Variants in C6orf62 observed in about 807,000 individuals in gnomAD.
C6orf62 encodes the protein uncharacterized protein C6orf62.
C6orf62 carries 16 observed loss-of-function variants against 26.8 expected under a neutral mutation model. That is an observed-to-expected ratio of 0.60 (90% CI 0.40 to 0.91). C6orf62 has a LOEUF of 0.91. Among genes scored for constraint, C6orf62 ranks in the 40% least tolerant of loss-of-function variants. C6orf62 has a pLI of 0.00. For synonymous variants in C6orf62, 112 were observed against 91.5 expected (o/e 1.22, Z -1.28); for missense variants, 192 against 271.4 (o/e 0.71, Z 2.06).
intron 3 of C6orf62, chr6:24,709,975 A>G (rs1181599826): frequency 1.0e-6 from 1 of 985,194 alleles, no homozygotes; most frequent in Non-Finnish European, 1.2e-6. Flanking sequence ...GTAGCATTTT[A>G]TACCTAGGAG....
rs1241370551 is a variant in C6orf62, at chr6:24,716,289, A to G, written c.165T>C (p.Val55=). The G allele has an allele frequency of 6.2e-7, 1 of 1,614,034 alleles. No individual in the cohort carries two copies. Among genetic ancestry groups the G allele is most frequent in the Admixed American group, 1.7e-5 (1 of 60,004 alleles). The change falls in exon 2 of 5, where the codon GTT becomes GTC. Residue 55 remains valine, a synonymous_variant. Coordinates refer to ENST00000378119, the MANE Select transcript of C6orf62 (RefSeq NM_030939.5). ...CATAATTATTTGTCATGACTGGTAT[A>G]ACCTCAGACACTTCAAAAAGTGCTG... is the stretch of plus-strand genomic sequence containing the variant. ...KKSALFEVSE[V]IPVMTNNYEE...
chr6:24,720,338 G>A (rs1345183257), upstream of C6orf62: 20 of 1,261,758 alleles, frequency 1.6e-5, no homozygotes, highest in Non-Finnish European at 2.0e-5. Flanking sequence ...CATGTCAAGA[G>A]AAAACCACCA....
intron 1 of C6orf62, 34 bp downstream of exon 1, chr6:24,718,506 T>A (rs889432665): frequency 7.1e-6 from 11 of 1,550,428 alleles, no homozygotes; most frequent in Non-Finnish European, 9.7e-6. Flanking sequence ...CAAAAATTAC[T>A]TGTGCTAATT....
chr6:24,706,019 A>G lies in C6orf62; in HGVS notation c.*118T>C. 2.2e-6 allele frequency: 3 copies of G among 1,384,074 alleles called. No individual in the cohort carries two copies. The highest frequency in any genetic ancestry group is 2.9e-6 in the Non-Finnish European group (3 of 1,045,718). The allele number at this position is 1,384,074 out of a possible 1,614,324, so 85.7% of individuals were successfully genotyped here. ...CCAGGATGAACAAGTTTCAAAATGCATAGTGTTCTGTGCATGAGTCCATTT... is the reference window on the plus strand; with the variant it reads ...CCAGGATGAACAAGTTTCAAAATGCGTAGTGTTCTGTGCATGAGTCCATTT... On this transcript the variant is annotated 3_prime_UTR_variant, in exon 5 of 5. Transcript: ENST00000378119.
At chr6:24,717,853 TATC>T (rs1164352571) in intron 1 of C6orf62, among the ~76,000 whole-genome samples, 2 of 152,244 alleles carry the variant, frequency 1.3e-5, no homozygotes, top group African/African-American at 2.4e-5. Context: ...ATACTGCTCT[TATC>T]ATCCCATCCT....
Position 24,709,538 on chromosome 6 carries a change from C to T in C6orf62, c.430-627G>A, listed in dbSNP as rs183009442. 3.1e-6 allele frequency: 3 copies of T among 982,538 alleles called. No homozygotes were observed. In the Admixed American group the frequency reaches 1.8e-4, roughly 60 times the overall value. The allele number at this position is 982,538 out of a possible 1,614,324, so 60.9% of individuals were successfully genotyped here. The stretch of plus-strand genomic sequence containing the variant: ...TAAAATAAGGCTGTAACCCATTTCA[C>T]AGGACAGTTAAGAGGGTTAAATGAA... On this transcript the variant is annotated intron_variant, in intron 3 of 4. Coordinates refer to ENST00000378119, the MANE Select transcript of C6orf62 (RefSeq NM_030939.5).
chr6:24,719,810 A>ACCC, upstream of C6orf62: 12 of 1,276,462 alleles, frequency 9.4e-6, no homozygotes, highest in East Asian at 3.4e-5. Flanking sequence ...CCTGCCTTCC[A>ACCC]CCCCCGCAGG....
chr6:24,708,203 C>A (rs918397609), intron 4 of C6orf62, among the ~76,000 whole-genome samples: 3 of 150,248 alleles, frequency 2.0e-5, no homozygotes, highest in Non-Finnish European at 4.4e-5. Context: ...CACTACTGTT[C>A]ACTAGAATCA....
At chr6:24,720,037 A>G, upstream of C6orf62, 1 of 1,412,788 alleles carries the variant, frequency 7.1e-7, no homozygotes, top group Admixed American at 2.4e-5. Flanking sequence ...CCCCCAAAAA[A>G]TTAAGTTCCC....
chr6:24,709,178 T>A (rs769156964), intron 3 of C6orf62: 1 of 976,388 alleles, frequency 1.0e-6, no homozygotes, highest in Non-Finnish European at 1.2e-6. Context: ...TTAAGAACAA[T>A]CTCTTGAGAT....
chr6:24,711,744 T>C (rs1779125748), intron 3 of C6orf62, among the ~76,000 whole-genome samples: 1 of 152,200 alleles, frequency 6.6e-6, no homozygotes. Context: ...TCATTTTCTT[T>C]GAGAAAGAAC....
Position 24,716,163 on chromosome 6 carries a change from A to G in C6orf62, c.291T>C (p.Tyr97=), listed in dbSNP as rs373692763. The G allele has an allele frequency of 1.4e-4, 223 of 1,613,774 alleles. 3 individuals carry two copies. Among genetic ancestry groups the G allele is most frequent in the Non-Finnish European group, 6.4e-5 (75 of 1,179,866 alleles). ...KDVVQLHAPR[Y]QSMRRDVIGC... is the part of the protein sequence containing the mutation. The stretch of plus-strand genomic sequence containing the variant: ...CAGAACTTACCCTTCTCATAGACTG[A>G]TATCGAGGAGCATGGAGCTGTACCA... The change falls in exon 2 of 5, where the codon TAT becomes TAC. Residue 97 remains tyrosine, a synonymous_variant. Coordinates refer to ENST00000378119, the MANE Select transcript of C6orf62 (RefSeq NM_030939.5).
chr6:24,720,051 T>G, upstream of C6orf62: 1 of 1,189,120 alleles, frequency 8.4e-7, no homozygotes, highest in Middle Eastern at 3.7e-4. Context: ...AGTTCCCGGA[T>G]TAGCTCTCTC....
rs1202456258 is a variant in C6orf62, at chr6:24,709,560, T to C, written c.430-649A>G. On this transcript the variant is annotated intron_variant, in intron 3 of 4. Coordinates refer to ENST00000378119, the MANE Select transcript of C6orf62 (RefSeq NM_030939.5). ...TCACAGGACAGTTAAGAGGGTTAAA[T>C]GAAATGTAAAGCCCACAACTGAAAT... The C allele has an allele frequency of 6.1e-6, 6 of 984,868 alleles. No individual in the cohort carries two copies. The Middle Eastern group carries it at 1.6e-3, about 257-fold the overall frequency. 61.0% of individuals were successfully genotyped at this position (984,868 alleles called of 1,614,324 possible).
At chr6:24,707,535 T>C (rs1779033188) in intron 4 of C6orf62, among the ~76,000 whole-genome samples, 1 of 152,106 alleles carries the variant, frequency 6.6e-6, no homozygotes, top group Non-Finnish European at 1.5e-5. Flanking sequence ...TTTCTTTGAT[T>C]TTTTGTAGAG....
rs760728809 is a variant in C6orf62, at chr6:24,708,834, G to A, written c.507C>T (p.Ile169=). Reference sequence around the variant, plus strand: ...CTGACTGGTTAGGATTGTTGACAACGATTCCAGTCTTGTCCTTGCGGCTCA... The same window carrying A: ...CTGACTGGTTAGGATTGTTGACAACAATTCCAGTCTTGTCCTTGCGGCTCA... ...HVLSRKDKTG[I]VVNNPNQSVF... Residue 169 remains isoleucine, a synonymous_variant, in exon 4 of 5, where the codon ATC becomes ATT. Coordinates refer to ENST00000378119, the MANE Select transcript of C6orf62 (RefSeq NM_030939.5). The A allele has an allele frequency of 8.7e-6, 14 of 1,614,016 alleles. No individual in the cohort carries two copies. Among genetic ancestry groups the A allele is most frequent in the East Asian group, 4.5e-5 (2 of 44,890 alleles).
intron 3 of C6orf62, chr6:24,709,468 T>TA: frequency 3.1e-6 from 3 of 975,654 alleles, no homozygotes; most frequent in Non-Finnish European, 3.6e-6. Flanking sequence ...ACTCACTAGT[T>TA]ACGTGACCGT....
Position 24,718,931 on chromosome 6 carries a change from G to A in C6orf62, c.-263C>T, listed in dbSNP as rs981805066. 4 of 1,247,060 alleles carry A rather than the reference G, an allele frequency of 3.2e-6. No individual in the cohort carries two copies. The South Asian group carries it at 5.7e-5, about 18-fold the overall frequency. The allele number at this position is 1,247,060 out of a possible 1,614,324, so 77.2% of individuals were successfully genotyped here. A position where few individuals can be genotyped will look rare whatever the true frequency, so the allele number is the denominator to read the frequency against. On this transcript the variant is annotated 5_prime_UTR_variant, in exon 1 of 5. Transcript: ENST00000378119. ...GGTCAGACGGGAAAAAGGGAGGAAA[G>A]AAAGGAAAGAAAGAGGAGAAAATAA...
At chr6:24,709,286 A>G (rs556564619) in intron 3 of C6orf62, 1 of 985,418 alleles carries the variant, frequency 1.0e-6, no homozygotes, top group Admixed American at 6.1e-5. Context: ...ACTAAATCCT[A>G]GTACTCCACG....
Sources: allele counts gnomAD v4.1 joint callset (sites outside exome capture counted in the v4.1 genomes callset), GRCh38; gene constraint gnomAD v4.1.1; transcripts MANE v1.5; gene names NCBI Gene and HGNC (gene_info 2026-07-23, HGNC 2026-07-21).